The following GSN variants were observed in gnomAD, a reference collection of about 807,000 sequenced individuals.
The protein encoded by GSN is gelsolin.
In GSN, 56 loss-of-function variants were observed where a neutral mutation model predicts 85.7. The observed-to-expected ratio is 0.65, with a 90% CI of 0.53 to 0.82. GSN has a LOEUF of 0.82. GSN is among the 40% of genes least tolerant of loss of function. GSN has a pLI of 0.00. For missense variants in GSN, 857 were observed against 979.8 expected, an observed-to-expected ratio of 0.87 and a Z score of 1.67; for synonymous variants, 373 against 399.1, an observed-to-expected ratio of 0.93 and a Z score of 0.78.
intron 5 of GSN, among the ~76,000 whole-genome samples, chr9:121,247,524 A>G (rs548758496): frequency 4.9e-4 from 75 of 152,304 alleles, no homozygotes; most frequent in Admixed American, 1.4e-3. Context: ...TTCATCTTCC[A>G]TTGCAACGTC....
At chr9:121,222,824 A>C (rs2054194172) in intron 4 of GSN, 1 of 152,206 alleles carries the variant, frequency 6.6e-6, no homozygotes, top group Admixed American at 6.5e-5. Context: ...AAAGGAAGTA[A>C]AAAGCTACAC....
chr9:121,214,258 C>A (rs1282066277), intron 4 of GSN, among the ~76,000 whole-genome samples: 4 of 148,906 alleles, frequency 2.7e-5, no homozygotes, highest in Non-Finnish European at 5.9e-5. Flanking sequence ...TCTCTCTTTC[C>A]TTCTTTTTCT....
rs563033789 is a variant in GSN at position 121,281,565 on chromosome 9, A to G, written c.-10+3A>G. ...TTCACCCTGCACAGCCTTGTTAGGT[A>G]GGTAGAGCAATACAGACACCTGTCG... On this transcript the variant is annotated splice_donor_region_variant and intron_variant, in intron 2 of 17. Coordinates refer to ENST00000432226, the MANE Select transcript of GSN (RefSeq NM_198252.3). The G allele has an allele frequency of 3.5e-4, 165 of 465,234 alleles. 1 individual carries two copies. The highest frequency in any genetic ancestry group is 3.1e-3 in the African/African-American group (155 of 50,100). The allele number at this position is 465,234 out of a possible 1,614,324, so 28.8% of individuals were successfully genotyped here. A position where few individuals can be genotyped will look rare whatever the true frequency, so the allele number is the denominator to read the frequency against.
rs1431912895 is a variant in GSN at position 121,329,051 on chromosome 9, C to A, written c.1887+36C>A. On this transcript the variant is annotated intron_variant, in intron 15 of 17. Coordinates refer to ENST00000432226, the MANE Select transcript of GSN (RefSeq NM_198252.3). This position sits in a 1 kb window ranked among gnomAD's most constrained non-coding sequence, Gnocchi z 4.6. Reference sequence around the variant, plus strand: ...GCGGAGGTCACACCTCTGCTTTCCCCTCGGGAGGCGAGTTCCACAGGACTG... The same window carrying A: ...GCGGAGGTCACACCTCTGCTTTCCCATCGGGAGGCGAGTTCCACAGGACTG... 4 of 1,610,646 alleles carry A rather than the reference C, an allele frequency of 2.5e-6. No homozygotes were observed. The South Asian group carries it at 4.4e-5, about 18-fold the overall frequency.
chr9:121,296,036 A>G (rs2059185554), intron 2 of GSN, among the ~76,000 whole-genome samples: 1 of 152,236 alleles, frequency 6.6e-6, no homozygotes, highest in Non-Finnish European at 1.5e-5. Flanking sequence ...GTGAAAGGCT[A>G]GAGGGCTTTC....
chr9:121,287,361 T>G (rs2058240007), intron 2 of GSN, among the ~76,000 whole-genome samples: 1 of 152,130 alleles, frequency 6.6e-6, no homozygotes, highest in African/African-American at 2.4e-5. Flanking sequence ...CTCTCCTGCC[T>G]AGCCTCAGTT....
chr9:121,220,504 C>A (rs554630900), intron 4 of GSN, among the ~76,000 whole-genome samples: 17 of 149,050 alleles, frequency 1.1e-4, no homozygotes, highest in Non-Finnish European at 1.9e-4. Context: ...GAGGCTCAGA[C>A]AGGTTGAGGA....
At chr9:121,233,894 T>C (rs542235963) in intron 5 of GSN, among the ~76,000 whole-genome samples, 14 of 152,290 alleles carry the variant, frequency 9.2e-5, no homozygotes, top group African/African-American at 3.4e-4. Flanking sequence ...GGAATTCAGT[T>C]TGCCTTCACT....
chr9:121,318,351 A>G lies in GSN; in HGVS notation c.887-55A>G. The G allele has an allele frequency of 1.5e-6, 2 of 1,352,192 alleles. No individual in the cohort carries two copies. Among genetic ancestry groups the G allele is most frequent in the South Asian group, 2.3e-5 (2 of 85,782 alleles). The allele number at this position is 1,352,192 out of a possible 1,614,324, so 83.8% of individuals were successfully genotyped here. A position where few individuals can be genotyped will look rare whatever the true frequency, so the allele number is the denominator to read the frequency against. On this transcript the variant is annotated intron_variant, in intron 8 of 17. Coordinates refer to ENST00000432226, the MANE Select transcript of GSN (RefSeq NM_198252.3). The surrounding 1 kb of genome is among the most constrained non-coding windows in gnomAD (Gnocchi z 4.3). ...TTCTCCTGGACTGTTAAAGGTCAGGATGCAGCAGGATCCCGGGCCTCTAAC... is the reference window on the plus strand; with the variant it reads ...TTCTCCTGGACTGTTAAAGGTCAGGGTGCAGCAGGATCCCGGGCCTCTAAC...
At chr9:121,235,422 T>C (rs2054473926) in intron 5 of GSN, among the ~76,000 whole-genome samples, 2 of 152,252 alleles carry the variant, frequency 1.3e-5, no homozygotes, top group African/African-American at 4.8e-5. Context: ...GCTTAGCCAC[T>C]GTCTTCCAAG....
intron 11 of GSN, among the ~76,000 whole-genome samples, chr9:121,323,599 A>ACC (rs2062778629): frequency 6.6e-6 from 1 of 151,890 alleles, no homozygotes; most frequent in Admixed American, 6.6e-5. Flanking sequence ...CGAACTCCTG[A>ACC]CCTCAACTGA....
chr9:121,258,780 T>C (rs2055021700), intron 6 of GSN, among the ~76,000 whole-genome samples: 1 of 152,162 alleles, frequency 6.6e-6, no homozygotes, highest in African/African-American at 2.4e-5. Context: ...GAGACTGATA[T>C]TTATTTCAAA....
chr9:121,246,054 A>T (rs766751397), intron 5 of GSN, among the ~76,000 whole-genome samples: 2 of 152,240 alleles, frequency 1.3e-5, no homozygotes, highest in Non-Finnish European at 2.9e-5. Context: ...CCTTTTAGAG[A>T]TATATTCTGA....
At chr9:121,305,852 C>T (rs887505561) in intron 4 of GSN, among the ~76,000 whole-genome samples, 12 of 152,340 alleles carry the variant, frequency 7.9e-5, no homozygotes, top group Middle Eastern at 6.8e-3. Context: ...CTCGCCCCGG[C>T]GCCCTCATCA....
intron 4 of GSN, among the ~76,000 whole-genome samples, chr9:121,215,531 T>TA (rs1409107947): frequency 6.6e-6 from 1 of 151,948 alleles, no homozygotes; most frequent in African/African-American, 2.4e-5. Flanking sequence ...CCATCTCTAC[T>TA]AAAAATACCA....
intron 4 of GSN, among the ~76,000 whole-genome samples, chr9:121,213,980 C>G (rs1390583883): frequency 6.6e-6 from 1 of 152,154 alleles, no homozygotes; most frequent in Non-Finnish European, 1.5e-5. Flanking sequence ...CTGCTGTATC[C>G]CTCATCCAGC....
At chr9:121,222,893 TTG>T (rs1491573082) in intron 4 of GSN, 1 of 150,078 alleles carries the variant, frequency 6.7e-6, no homozygotes, top group Non-Finnish European at 1.5e-5. Flanking sequence ...GACCTTGGAC[TTG>T]GGGGGGGGTC....
At chr9:121,251,187 C>CTTTTTTTTTCTTTTTT (rs2054825637) in intron 6 of GSN, among the ~76,000 whole-genome samples, 1 of 73,044 alleles carries the variant, frequency 1.4e-5, no homozygotes, top group Non-Finnish European at 2.2e-5. Context: ...CTGATGTGTT[C>CTTTTTTTTTCTTTTTT]TTTTTTTTTT....
Position 121,299,656 on chromosome 9 carries a change from C to T in GSN, c.-9-2307C>T, listed in dbSNP as rs1246333906. Reference sequence around the variant, plus strand: ...TGTCAGGCCTGGTGCTGGGTCTCCGCCCCGGAGCTGGGGTGCAGGGGCTGC... The same window carrying T: ...TGTCAGGCCTGGTGCTGGGTCTCCGTCCCGGAGCTGGGGTGCAGGGGCTGC... On this transcript the variant is annotated intron_variant, in intron 2 of 17. Coordinates refer to ENST00000432226, the MANE Select transcript of GSN (RefSeq NM_198252.3). The surrounding 1 kb of genome is among the most constrained non-coding windows in gnomAD (Gnocchi z 4.2). 1.5e-6 allele frequency: 1 copy of T among 648,570 alleles called. No individual in the cohort carries two copies. Among genetic ancestry groups the T allele is most frequent in the Non-Finnish European group, 2.1e-6 (1 of 484,736 alleles). 40.2% of individuals were successfully genotyped at this position (648,570 alleles called of 1,614,324 possible).
Sources: allele counts gnomAD v4.1 joint callset (sites outside exome capture counted in the v4.1 genomes callset), GRCh38; gene constraint gnomAD v4.1.1; non-coding constraint Gnocchi (gnomAD v3.1); transcripts MANE v1.5; gene names NCBI Gene and HGNC (gene_info 2026-07-23, HGNC 2026-07-21).